CYFIP1: variants seen among roughly 807,000 people sequenced by gnomAD.
CYFIP1 encodes cytoplasmic FMR1-interacting protein 1.
Under a neutral mutation model 163.5 loss-of-function variants are expected in CYFIP1, and 58 were observed. The ratio of observed to expected loss-of-function variants is 0.35; its 90% CI spans 0.29 to 0.44. CYFIP1 has a LOEUF of 0.44. Among genes scored for constraint, CYFIP1 ranks in the 20% least tolerant of loss-of-function variants. The pLI, the probability that CYFIP1 is intolerant of heterozygous loss-of-function variation, is 1.00. For missense variants in CYFIP1, 1,338 were observed against 1,653.8 expected (o/e 0.81, Z 3.31); for synonymous variants, 663 against 660.7 (o/e 1.00, Z -0.05).
chr15:22,906,462 A>ATT (rs58360718), intron 21 of CYFIP1, among the ~76,000 whole-genome samples: 23 of 87,482 alleles, frequency 2.6e-4, no homozygotes, highest in Non-Finnish European at 4.6e-4. Flanking sequence ...AGCAACTACT[A>ATT]TTTTTTTTTT....
rs1205548139 is a variant in CYFIP1, at chr15:22,951,630, C to T, written c.-6-4339G>A. 1.1e-5 allele frequency: 13 copies of T among 1,137,790 alleles called. 1 individual carries two copies. The highest frequency in any genetic ancestry group is 5.5e-5 in the South Asian group (4 of 72,950). The allele number at this position is 1,137,790 out of a possible 1,614,324, so 70.5% of individuals were successfully genotyped here. A position where few individuals can be genotyped will look rare whatever the true frequency, so the allele number is the denominator to read the frequency against. On this transcript the variant is annotated intron_variant, in intron 1 of 30. Coordinates refer to ENST00000617928, the MANE Select transcript of CYFIP1 (RefSeq NM_014608.6). ...GCCTGGGGGCGTGTCCAGTCATGCC[C>T]GGGCCCCACGCGGGTCAACAAGAAG...
intron 1 of CYFIP1, chr15:22,951,430 T>TG: frequency 2.3e-6 from 3 of 1,289,452 alleles, no homozygotes; most frequent in Non-Finnish European, 2.0e-6. Context: ...AGAGCCAGCA[T>TG]GGGGGGCCTG....
intron 1 of CYFIP1, among the ~76,000 whole-genome samples, chr15:22,976,060 T>C (rs1419155864): frequency 6.6e-6 from 1 of 152,212 alleles, no homozygotes; most frequent in East Asian, 1.9e-4. Flanking sequence ...CTTTGATTTC[T>C]CTCATCTTCA....
intron 23 of CYFIP1, among the ~76,000 whole-genome samples, chr15:22,886,935 C>G (rs1439329036): frequency 2.0e-5 from 3 of 152,196 alleles, no homozygotes; most frequent in Admixed American, 2.0e-4. Flanking sequence ...TTCTATTAGT[C>G]TTTCCTTCAA....
intron 10 of CYFIP1, among the ~76,000 whole-genome samples, chr15:22,933,587 T>C (rs554516909): frequency 1.5e-4 from 23 of 152,224 alleles, no homozygotes; most frequent in Admixed American, 1.4e-3. Context: ...GTGCTGGGAT[T>C]ACAGGCGTGA....
Position 22,889,593 on chromosome 15 carries a change from C to T in CYFIP1, c.2676+3297G>A, listed in dbSNP as rs111360074. On this transcript the variant is annotated intron_variant, in intron 23 of 30. Transcript: ENST00000617928. ...CTTCCAGGACTCGATCCATCAGAACCGCAGGTGCACGGCCCCACGCAGTCG... is the reference window on the plus strand; with the variant it reads ...CTTCCAGGACTCGATCCATCAGAACTGCAGGTGCACGGCCCCACGCAGTCG... Among the ~76,000 whole-genome samples, 447 of 152,290 alleles carry T rather than the reference C, an allele frequency of 2.9e-3. 3 individuals are homozygous for T. Among genetic ancestry groups the T allele is most frequent in the African/African-American group, 0.01 (417 of 41,560 alleles).
In CYFIP1 at chr15:22,867,183, G is replaced by T; in HGVS notation, c.*2845C>A. 1 of 436,110 alleles carries T rather than the reference G, an allele frequency of 2.3e-6. No homozygotes were observed. The highest frequency in any genetic ancestry group is 4.0e-6 in the Non-Finnish European group (1 of 249,428). 27.0% of individuals were successfully genotyped at this position (436,110 alleles called of 1,614,324 possible). A position where few individuals can be genotyped will look rare whatever the true frequency, so the allele number is the denominator to read the frequency against. On this transcript the variant is annotated 3_prime_UTR_variant, in exon 31 of 31. Coordinates refer to ENST00000617928, the MANE Select transcript of CYFIP1 (RefSeq NM_014608.6). ...TTCATTGGTGATGAAAGTCTGAAAT[G>T]TGCATTTGTCATCCCCACTCCATCA...
chr15:22,943,141 G>A lies in CYFIP1; in HGVS notation c.569+32C>T, dbSNP rs753945126. The A allele has an allele frequency of 5.0e-5, 80 of 1,605,224 alleles. 2 individuals are homozygous for A. The highest frequency in any genetic ancestry group is 3.4e-4 in the Middle Eastern group (2 of 5,800). On this transcript the variant is annotated intron_variant, in intron 6 of 30. Transcript: ENST00000617928. ...AGGCCACTGAGCTGGGTGCTCTCGGGAGGGCCCGCAGTGCGCGAGGTGGGT... is the reference window on the plus strand; with the variant it reads ...AGGCCACTGAGCTGGGTGCTCTCGGAAGGGCCCGCAGTGCGCGAGGTGGGT...
At chr15:22,964,306 A>ACC (rs996579128) in intron 1 of CYFIP1, among the ~76,000 whole-genome samples, 1 of 112,158 alleles carries the variant, frequency 8.9e-6, no homozygotes, top group African/African-American at 3.8e-5. Flanking sequence ...ACACACACAC[A>ACC]CACACACAAC....
At chr15:22,880,268 C>T (rs1006283281) in intron 25 of CYFIP1, among the ~76,000 whole-genome samples, 3 of 152,226 alleles carry the variant, frequency 2.0e-5, no homozygotes, top group Non-Finnish European at 4.4e-5. Flanking sequence ...GCTCTGAAGC[C>T]TCTTTTCAAC....
Position 22,883,031 on chromosome 15 carries a change from G to A in CYFIP1, c.2677-20C>T, listed in dbSNP as rs761141485. 10 of 1,612,038 alleles carry A rather than the reference G, an allele frequency of 6.2e-6. No individual in the cohort carries two copies. Among genetic ancestry groups the A allele is most frequent in the Admixed American group, 3.3e-5 (2 of 59,906 alleles). On this transcript the variant is annotated intron_variant, in intron 23 of 30. Transcript: ENST00000617928. ...CAAAGCCTGGAAAACAGGGCACAGA[G>A]CTCTCAGCATGGTCCCCGCACACAT... is the stretch of plus-strand genomic sequence containing the variant.
intron 1 of CYFIP1, among the ~76,000 whole-genome samples, chr15:22,950,852 G>A (rs11638345): frequency 0.22 from 33,693 of 152,182 alleles, 4,228 homozygotes; most frequent in Middle Eastern, 0.34. Context: ...CAATGCCTGC[G>A]CCGCCCATCT....
At chr15:22,880,288 T>C (rs2059717172) in intron 25 of CYFIP1, among the ~76,000 whole-genome samples, 1 of 152,172 alleles carries the variant, frequency 6.6e-6, no homozygotes, top group Admixed American at 6.5e-5. Context: ...CTCAACCTCA[T>C]ATCTTTAGGG....
chr15:22,885,686 T>C (rs1475908345), intron 23 of CYFIP1, among the ~76,000 whole-genome samples: 1 of 152,128 alleles, frequency 6.6e-6, no homozygotes, highest in Non-Finnish European at 1.5e-5. Context: ...TGAGCTGAGA[T>C]TGCGCCATTG....
At chr15:22,898,593 G>C (rs571213951) in intron 22 of CYFIP1, among the ~76,000 whole-genome samples, 2 of 151,944 alleles carry the variant, frequency 1.3e-5, no homozygotes, top group Non-Finnish European at 2.9e-5. Context: ...GGCGTGCAGC[G>C]GCATGATCAC....
At chr15:22,950,393 CAGAGAGAG>C (rs965574045) in intron 1 of CYFIP1, among the ~76,000 whole-genome samples, 89 of 152,210 alleles carry the variant, frequency 5.8e-4, no homozygotes, top group African/African-American at 2.0e-3. Context: ...AGGAACTCAT[CAGAGAGAG>C]AGAAGGAAGG....
chr15:22,882,277 C>T (rs547901296), intron 24 of CYFIP1, among the ~76,000 whole-genome samples: 10 of 152,352 alleles, frequency 6.6e-5, no homozygotes, highest in Admixed American at 3.3e-4. Flanking sequence ...CCCCAGGACG[C>T]TGTCTGTGCT....
intron 22 of CYFIP1, among the ~76,000 whole-genome samples, chr15:22,898,994 T>C (rs2060314684): frequency 6.6e-6 from 1 of 151,054 alleles, no homozygotes; most frequent in African/African-American, 2.4e-5. Flanking sequence ...AGCATGAGAC[T>C]CTGTCTAAAA....
intron 14 of CYFIP1, 135 bp from the exon 15 acceptor site, chr15:22,918,070 G>A (rs559301917): frequency 7.8e-6 from 8 of 1,020,376 alleles, no homozygotes; most frequent in Non-Finnish European, 1.1e-5. Flanking sequence ...GGGGGCCATG[G>A]AGGGATGTGG....
Sources: gnomAD v4.1 joint callset for allele counts (sites outside exome capture counted in the v4.1 genomes callset) on GRCh38, gnomAD v4.1.1 for gene constraint, MANE v1.5 for transcripts, NCBI Gene and HGNC (gene_info 2026-07-23, HGNC 2026-07-21) for gene names.